The following GREB1 variants were observed in gnomAD, a reference collection of about 807,000 sequenced individuals.
The protein encoded by GREB1 is protein GREB1.
GREB1 carries 106 observed loss-of-function variants against 200.7 expected under a neutral mutation model. The observed-to-expected ratio is 0.53, with a 90% CI of 0.45 to 0.62. GREB1 has a LOEUF of 0.62. GREB1 is among the 20% of genes least tolerant of loss of function. The pLI is 0.00. For synonymous variants in GREB1, 1,132 were observed against 1,092.4 expected, an observed-to-expected ratio of 1.04 and a Z score of -0.72; for missense variants, 2,243 against 2,556.8, an observed-to-expected ratio of 0.88 and a Z score of 2.65.
intron 10 of GREB1, chr2:11,592,071 A>G (rs1457269924): frequency 1.0e-6 from 1 of 976,508 alleles, no homozygotes; most frequent in Non-Finnish European, 1.2e-6. Flanking sequence ...CTGTATATGC[A>G]CATAGGGACA....
At chr2:11,484,592 C>T (rs10536663) in intron 1 of GREB1, among the ~76,000 whole-genome samples, 40 of 5,056 alleles carry the variant, frequency 7.9e-3, no homozygotes, top group East Asian at 0.014. Context: ...TCTTAAAAAA[C>T]AAAAAAAAAA....
Position 11,518,041 on chromosome 2 carries a change from G to T in GREB1, c.-159+35660G>T, listed in dbSNP as rs114205492. On this transcript the variant is annotated intron_variant, in intron 1 of 2. Coordinates refer to the GREB1 transcript ENST00000628795. ...GTTTCCCCTTGACTGTGGGCATTTT[G>T]CCAGAGAGGGTAATTTAGTGCTATT... Among the ~76,000 whole-genome samples, 751 of 152,268 alleles carry T rather than the reference G, an allele frequency of 4.9e-3. 5 individuals carry two copies. Among genetic ancestry groups the T allele is most frequent in the African/African-American group, 0.017 (714 of 41,560 alleles).
intron 9 of GREB1, among the ~76,000 whole-genome samples, chr2:11,586,749 G>A (rs1680141807): frequency 6.6e-6 from 1 of 152,226 alleles, no homozygotes; most frequent in African/African-American, 2.4e-5. Context: ...GAAAGAGCAT[G>A]TCTTTTTCCT....
intron 1 of GREB1, among the ~76,000 whole-genome samples, chr2:11,508,873 C>CTCTTTTTTTTTT (rs1553341299): frequency 2.9e-5 from 4 of 139,566 alleles, no homozygotes; most frequent in African/African-American, 8.3e-5. Flanking sequence ...TTCTTTCTCT[C>CTCTTTTTTTTTT]TTTTTTTTTT....
At chr2:11,631,102 A>G (rs2148420926) in intron 26 of GREB1, among the ~76,000 whole-genome samples, 1 of 152,320 alleles carries the variant, frequency 6.6e-6, no homozygotes, top group African/African-American at 2.4e-5. Context: ...GGGTTTCTCC[A>G]CCACTCCACT....
At position 11,562,502 on chromosome 2, in the gene GREB1, GAGA is replaced by G; in HGVS notation, c.200_202del (p.Glu67del). 6.2e-7 allele frequency: 1 copy of G among 1,609,188 alleles called. No individual in the cohort carries two copies. Among genetic ancestry groups the G allele is most frequent in the Admixed American group, 1.7e-5 (1 of 59,364 alleles). ...GACAATGAGGAAGAGGAAGAAGAGG[GAGA>G]AGGAGGGCTGGAAACAAATGGCCCC... On this transcript the variant is annotated inframe_deletion, in exon 3 of 33. Coordinates refer to ENST00000381486, the MANE Select transcript of GREB1 (RefSeq NM_014668.4).
intron 17 of GREB1, among the ~76,000 whole-genome samples, chr2:11,602,782 G>T (rs1370053949): frequency 1.3e-5 from 2 of 152,202 alleles, no homozygotes; most frequent in African/African-American, 4.8e-5. Flanking sequence ...GCGGAAATAT[G>T]CTGGAATGTG....
At chr2:11,620,595 A>G (rs567663408) in intron 22 of GREB1, among the ~76,000 whole-genome samples, 5 of 152,210 alleles carry the variant, frequency 3.3e-5, no homozygotes, top group Non-Finnish European at 5.9e-5. Flanking sequence ...ATAGTATCCT[A>G]TTTTTTTGAA....
chr2:11,508,844 T>A (rs1398047252), intron 1 of GREB1, among the ~76,000 whole-genome samples: 1 of 151,438 alleles, frequency 6.6e-6, no homozygotes, highest in Non-Finnish European at 1.5e-5. Flanking sequence ...ATCTGAGGCC[T>A]AAAGGTGAAT....
In GREB1 at chr2:11,580,138, A is replaced by T. The variant is rs1037372925; in HGVS notation, c.773-566A>T. Among the ~76,000 whole-genome samples, 8 of 152,120 alleles carry T rather than the reference A, an allele frequency of 5.3e-5. No individual in the cohort carries two copies. Among genetic ancestry groups the T allele is most frequent in the African/African-American group, 1.7e-4 (7 of 41,428 alleles). On this transcript the variant is annotated intron_variant, in intron 6 of 32. Coordinates refer to ENST00000381486, the MANE Select transcript of GREB1 (RefSeq NM_014668.4). The surrounding 1 kb of genome is among the most constrained non-coding windows in gnomAD (Gnocchi z 4.5). ...ACTTCTTCACTATCACGAGAACAGT[A>T]TGGGGGAAACCACCCCCATGATTCA...
At chr2:11,543,075 G>C (rs1030283835) in intron 1 of GREB1, among the ~76,000 whole-genome samples, 9 of 152,104 alleles carry the variant, frequency 5.9e-5, no homozygotes, top group Non-Finnish European at 1.3e-4. Context: ...CTGGGGACCT[G>C]CAGTGTTCCG....
At chr2:11,631,170 G>A (rs910091357) in intron 26 of GREB1, among the ~76,000 whole-genome samples, 1 of 152,212 alleles carries the variant, frequency 6.6e-6, no homozygotes, top group Non-Finnish European at 1.5e-5. Context: ...GCACAGTGTT[G>A]TGGCAGGTGC....
At chr2:11,525,259 C>A (rs1421421267) in intron 1 of GREB1, among the ~76,000 whole-genome samples, 1 of 152,120 alleles carries the variant, frequency 6.6e-6, no homozygotes, top group Non-Finnish European at 1.5e-5. Flanking sequence ...AATCTCAGCA[C>A]TTCAGGAGGC....
intron 10 of GREB1, 64 bp downstream of exon 10, chr2:11,588,995 C>T: frequency 7.5e-7 from 1 of 1,337,118 alleles, no homozygotes; most frequent in Non-Finnish European, 1.1e-6. Flanking sequence ...ACAGACCTGG[C>T]CTCGGCCCTC....
intron 1 of GREB1, among the ~76,000 whole-genome samples, chr2:11,484,592 C>CA (rs869034505): frequency 0.034 from 174 of 5,058 alleles, no homozygotes; most frequent in East Asian, 0.11. Context: ...TCTTAAAAAA[C>CA]AAAAAAAAAA....
At chr2:11,630,676 A>C (rs1330283913) in intron 26 of GREB1, among the ~76,000 whole-genome samples, 1 of 152,172 alleles carries the variant, frequency 6.6e-6, no homozygotes, top group Admixed American at 6.5e-5. Flanking sequence ...CATGTCATCT[A>C]TCTATACATA....
chr2:11,638,837 C>A, intron 32 of GREB1, 28 bp downstream of exon 32: 1 of 1,610,282 alleles, frequency 6.2e-7, no homozygotes, highest in Non-Finnish European at 8.5e-7. Context: ...AACTCTGCAC[C>A]TTGTCTTCAA....
chr2:11,494,909 A>G (rs1485067850), intron 1 of GREB1, among the ~76,000 whole-genome samples: 1 of 152,116 alleles, frequency 6.6e-6, no homozygotes, highest in African/African-American at 2.4e-5. Flanking sequence ...TGTCATCATC[A>G]CCCATGACCT....
intron 1 of GREB1, among the ~76,000 whole-genome samples, chr2:11,538,763 C>CCTTCCTTT (rs1277266905): frequency 2.6e-5 from 2 of 77,976 alleles, no homozygotes; most frequent in African/African-American, 1.3e-4. Context: ...TTCCTTTCTT[C>CCTTCCTTT]CTTCCTTCCT....
Sources: gnomAD v4.1 joint callset for allele counts (sites outside exome capture counted in the v4.1 genomes callset) on GRCh38, gnomAD v4.1.1 for gene constraint, Gnocchi (gnomAD v3.1) non-coding constraint, MANE v1.5 for transcripts, NCBI Gene and HGNC (gene_info 2026-07-23, HGNC 2026-07-21) for gene names.